ROBO2: variants seen among roughly 807,000 people sequenced by gnomAD.
ROBO2 encodes roundabout homolog 2.
A neutral mutation model predicts 160.8 loss-of-function variants in ROBO2; 53 were observed. The ratio of observed to expected loss-of-function variants is 0.33; its 90% CI spans 0.26 to 0.41. The LOEUF (loss-of-function observed/expected upper bound fraction) is 0.41, where lower values mean the gene tolerates loss of function less well. Among genes scored for constraint, ROBO2 ranks in the 10% least tolerant of loss-of-function variants. The probability of loss-of-function intolerance (pLI) is 1.00; values close to 1 mark genes in which losing one functional copy is unlikely to be tolerated. For synonymous variants in ROBO2, 664 were observed against 611.7 expected, an observed-to-expected ratio of 1.09 and a Z score of -1.26; for missense variants, 1,577 against 1,722.4, an observed-to-expected ratio of 0.92 and a Z score of 1.49.
chr3:77,284,144 T>A (rs1189973030), intron 2 of ROBO2, among the ~76,000 whole-genome samples: 1 of 152,178 alleles, frequency 6.6e-6, no homozygotes, highest in Non-Finnish European at 1.5e-5. Flanking sequence ...TCATACCCAT[T>A]CAATTACTTA....
intron 9 of ROBO2, among the ~76,000 whole-genome samples, chr3:77,558,421 A>G (rs2093204169): frequency 6.6e-6 from 1 of 151,992 alleles, no homozygotes; most frequent in South Asian, 2.1e-4. Flanking sequence ...TAGAAATCTT[A>G]AACACATAGC....
At chr3:76,951,551 A>C (rs1348682308) in intron 2 of ROBO2, among the ~76,000 whole-genome samples, 1 of 152,226 alleles carries the variant, frequency 6.6e-6, no homozygotes, top group African/African-American at 2.4e-5. Context: ...GTAAAGTTGA[A>C]AGAGAAAAAA....
chr3:77,602,971 G>A (rs2094462487), intron 20 of ROBO2: 1 of 456,722 alleles, frequency 2.2e-6, no homozygotes, highest in South Asian at 1.5e-5. Flanking sequence ...TTGGCTGAGG[G>A]ATTGTCTAAT....
chr3:76,772,620 C>T (rs867469472), intron 2 of ROBO2, among the ~76,000 whole-genome samples: 14 of 148,976 alleles, frequency 9.4e-5, no homozygotes, highest in Admixed American at 1.4e-4. Flanking sequence ...TTTGTTATTA[C>T]TGGATCTATT....
intron 2 of ROBO2, among the ~76,000 whole-genome samples, chr3:75,957,997 T>C (rs1323737824): frequency 6.6e-6 from 1 of 151,700 alleles, no homozygotes; most frequent in Non-Finnish European, 1.5e-5. Flanking sequence ...ATAATAATTT[T>C]CCTTCATGTG....
intron 2 of ROBO2, among the ~76,000 whole-genome samples, chr3:77,107,083 C>T (rs2072905606): frequency 6.6e-6 from 1 of 152,108 alleles, no homozygotes; most frequent in Non-Finnish European, 1.5e-5. Flanking sequence ...AGCCTGAGTT[C>T]AGAGAGCCAG....
chr3:77,620,162 C>T (rs2094870949), intron 22 of ROBO2, among the ~76,000 whole-genome samples: 1 of 152,158 alleles, frequency 6.6e-6, no homozygotes, highest in African/African-American at 2.4e-5. Flanking sequence ...TTGGCTGACT[C>T]CACATCTGGG....
chr3:77,175,439 C>CTGAAGA (rs2080053137), intron 2 of ROBO2, among the ~76,000 whole-genome samples: 1 of 151,922 alleles, frequency 6.6e-6, no homozygotes, highest in Non-Finnish European at 1.5e-5. Flanking sequence ...AAATTCTAGA[C>CTGAAGA]TGAAGAATTC....
At chr3:77,221,211 G>C (rs1164257434) in intron 2 of ROBO2, among the ~76,000 whole-genome samples, 1 of 152,130 alleles carries the variant, frequency 6.6e-6, no homozygotes, top group Non-Finnish European at 1.5e-5. Flanking sequence ...CCAGTGCTGT[G>C]TGAGCTCCCC....
At chr3:77,326,124 A>G (rs980441682) in intron 2 of ROBO2, among the ~76,000 whole-genome samples, 44 of 152,196 alleles carry the variant, frequency 2.9e-4, no homozygotes, top group East Asian at 1.9e-4. Context: ...TATCATCCTC[A>G]TAGCTTTTCT....
intron 2 of ROBO2, among the ~76,000 whole-genome samples, chr3:75,939,351 A>G (rs557927536): frequency 3.9e-5 from 6 of 152,270 alleles, no homozygotes; most frequent in Admixed American, 6.5e-5. Flanking sequence ...ATATTTGAGA[A>G]AAATAGGTAT....
intron 2 of ROBO2, among the ~76,000 whole-genome samples, chr3:75,991,241 G>A (rs1031506497): frequency 6.6e-6 from 1 of 152,098 alleles, no homozygotes; most frequent in Non-Finnish European, 1.5e-5. Context: ...ATTATAATAA[G>A]GAAAAGATAC....
chr3:76,367,594 T>C (rs2075888331), intron 2 of ROBO2, among the ~76,000 whole-genome samples: 1 of 152,016 alleles, frequency 6.6e-6, no homozygotes, highest in African/African-American at 2.4e-5. Context: ...GTTATTATAG[T>C]CTGCAGGAAA....
chr3:77,023,575 T>A (rs1406540297), intron 2 of ROBO2, among the ~76,000 whole-genome samples: 3 of 152,242 alleles, frequency 2.0e-5, no homozygotes, highest in Non-Finnish European at 2.9e-5. Context: ...AAAATAATTT[T>A]AATAACTTTT....
At chr3:76,163,508 T>C (rs1028149400) in intron 2 of ROBO2, among the ~76,000 whole-genome samples, 1 of 148,986 alleles carries the variant, frequency 6.7e-6, no homozygotes, top group Admixed American at 6.7e-5. Context: ...TATTATATAT[T>C]ATATTTATAT....
chr3:76,448,147 TC>T (rs1295095127), intron 2 of ROBO2, among the ~76,000 whole-genome samples: 4 of 152,034 alleles, frequency 2.6e-5, no homozygotes, highest in Non-Finnish European at 5.9e-5. Context: ...AAAATAATTT[TC>T]CAAGCTGAAA....
At chr3:77,410,124 C>A (rs1436285174) in intron 2 of ROBO2, among the ~76,000 whole-genome samples, 2 of 151,986 alleles carry the variant, frequency 1.3e-5, no homozygotes, top group African/African-American at 4.8e-5. Context: ...GTATAAGTAC[C>A]CACAAGTGTA....
At chr3:76,816,586 C>A (rs1370027729) in intron 2 of ROBO2, among the ~76,000 whole-genome samples, 1 of 151,974 alleles carries the variant, frequency 6.6e-6, no homozygotes, top group African/African-American at 2.4e-5. Flanking sequence ...GTGTGGCTTG[C>A]TCTAATGCCA....
At chr3:76,367,305 C>T (rs1026553742) in intron 2 of ROBO2, among the ~76,000 whole-genome samples, 6 of 151,980 alleles carry the variant, frequency 3.9e-5, no homozygotes, top group Non-Finnish European at 5.9e-5. Flanking sequence ...AAACTCATGC[C>T]TGTAGTTATA....
Sources: gnomAD v4.1 joint callset for allele counts (sites outside exome capture counted in the v4.1 genomes callset) on GRCh38, gnomAD v4.1.1 for gene constraint, MANE v1.5 for transcripts, NCBI Gene and HGNC (gene_info 2026-07-23, HGNC 2026-07-21) for gene names.